JAZF1: variants seen among roughly 807,000 people sequenced by gnomAD.
JAZF1 encodes the protein juxtaposed with another zinc finger protein 1.
JAZF1 carries 8 observed loss-of-function variants against 26.4 expected under a neutral mutation model. The observed-to-expected ratio is 0.30, with a 90% CI of 0.18 to 0.55. The LOEUF is 0.55. Among genes scored for constraint, JAZF1 ranks in the 20% least tolerant of loss-of-function variants. JAZF1 has a pLI of 0.94. For missense variants in JAZF1, 199 were observed against 322.0 expected, an observed-to-expected ratio of 0.62 and a Z score of 2.92; for synonymous variants, 126 against 122.3, an observed-to-expected ratio of 1.03 and a Z score of -0.20.
intron 1 of JAZF1, among the ~76,000 whole-genome samples, chr7:28,059,086 T>C (rs1162974589): frequency 6.6e-6 from 1 of 152,226 alleles, no homozygotes; most frequent in Non-Finnish European, 1.5e-5. Flanking sequence ...AGTAACATAA[T>C]AAGTACATAA....
chr7:28,109,103 C>T (rs1784599506), intron 1 of JAZF1, among the ~76,000 whole-genome samples: 1 of 152,144 alleles, frequency 6.6e-6, no homozygotes, highest in Non-Finnish European at 1.5e-5. Flanking sequence ...ATATAAACTT[C>T]CAGTTATAAG....
At chr7:28,024,690 G>A (rs1012699759) in intron 1 of JAZF1, among the ~76,000 whole-genome samples, 3 of 152,174 alleles carry the variant, frequency 2.0e-5, no homozygotes, top group African/African-American at 7.2e-5. Context: ...TGGAAGATAG[G>A]AAGTGATGAT....
intron 1 of JAZF1, among the ~76,000 whole-genome samples, chr7:28,105,155 A>T (rs1029267822): frequency 2.0e-5 from 3 of 151,902 alleles, no homozygotes; most frequent in Non-Finnish European, 2.9e-5. Flanking sequence ...ATACAGAGTT[A>T]AAAAAAACAA....
chr7:27,944,956 C>T (rs1004368792), intron 2 of JAZF1, among the ~76,000 whole-genome samples: 7 of 152,108 alleles, frequency 4.6e-5, no homozygotes, highest in South Asian at 2.1e-4. Flanking sequence ...TCATCTGCTA[C>T]GGTGTGACTG....
chr7:27,997,414 TTC>T (rs1386519839), intron 1 of JAZF1, among the ~76,000 whole-genome samples: 5 of 152,210 alleles, frequency 3.3e-5, no homozygotes, highest in Admixed American at 3.3e-4. Context: ...AGGAGGATTC[TTC>T]TCTGATTCAG....
chr7:28,011,723 C>T (rs1024160509), intron 1 of JAZF1, among the ~76,000 whole-genome samples: 3 of 152,156 alleles, frequency 2.0e-5, no homozygotes, highest in African/African-American at 4.8e-5. Flanking sequence ...TTAAAAGATA[C>T]TTCAATCCCA....
chr7:28,018,815 G>A (rs1382212030), intron 1 of JAZF1, among the ~76,000 whole-genome samples: 4 of 152,164 alleles, frequency 2.6e-5, no homozygotes, highest in East Asian at 1.9e-4. Flanking sequence ...TATAAACTTC[G>A]CTCCATGATG....
At chr7:27,988,516 C>T (rs1224662707) in intron 2 of JAZF1, among the ~76,000 whole-genome samples, 4 of 151,928 alleles carry the variant, frequency 2.6e-5, no homozygotes, top group Non-Finnish European at 5.9e-5. Flanking sequence ...GCTGGGGATA[C>T]AGGTGTACAC....
At chr7:27,984,334 A>G (rs1163453053) in intron 2 of JAZF1, among the ~76,000 whole-genome samples, 1 of 152,250 alleles carries the variant, frequency 6.6e-6, no homozygotes, top group Non-Finnish European at 1.5e-5. Context: ...CTTTAAACCA[A>G]CAAAGATCAA....
At position 27,880,027 on chromosome 7, in the gene JAZF1, T is replaced by C. The variant is rs1189690494; in HGVS notation, c.385+15193A>G. 3.3e-5 allele frequency among the ~76,000 whole-genome samples: 5 copies of C among 152,226 alleles called. No homozygotes were observed. In the East Asian group the frequency reaches 9.6e-4, roughly 29 times the overall value. ...TTCTAGGAGGCTGTTAGATGCTATTTTTAAGAGGCACAGCTACCACGAAGA... is the reference window on the plus strand; with the variant it reads ...TTCTAGGAGGCTGTTAGATGCTATTCTTAAGAGGCACAGCTACCACGAAGA... On this transcript the variant is annotated intron_variant, in intron 3 of 4. Coordinates refer to ENST00000283928, the MANE Select transcript of JAZF1 (RefSeq NM_175061.4).
At chr7:27,990,467 A>T (rs1317289612) in intron 2 of JAZF1, among the ~76,000 whole-genome samples, 3 of 152,068 alleles carry the variant, frequency 2.0e-5, no homozygotes, top group Non-Finnish European at 2.9e-5. Flanking sequence ...ATTAGTAGGT[A>T]CCTGCTGTCC....
At chr7:27,852,130 C>CTTTTTTTTTTTTTT (rs113021262) in intron 3 of JAZF1, among the ~76,000 whole-genome samples, 1 of 125,256 alleles carries the variant, frequency 8.0e-6, no homozygotes. Context: ...ATAAACAGGA[C>CTTTTTTTTTTTTTT]TTTTTTTTTT....
chr7:27,941,735 C>T (rs1784850756), intron 2 of JAZF1, among the ~76,000 whole-genome samples: 1 of 152,188 alleles, frequency 6.6e-6, no homozygotes. Context: ...CACCACCATA[C>T]AATTAGGGGC....
chr7:27,946,471 C>G (rs1444859267), intron 2 of JAZF1, among the ~76,000 whole-genome samples: 1 of 152,174 alleles, frequency 6.6e-6, no homozygotes. Context: ...CTGAAATTCT[C>G]CTGGAAAAAA....
At chr7:27,961,456 G>A (rs189684582) in intron 2 of JAZF1, among the ~76,000 whole-genome samples, 19 of 152,358 alleles carry the variant, frequency 1.2e-4, no homozygotes, top group African/African-American at 4.6e-4. Flanking sequence ...CACAGGCGAT[G>A]ACTCAGACCC....
Position 27,991,892 on chromosome 7 carries a change from T to A in JAZF1, c.188+17A>T. ...GCAGATATAAGGTTGTTATAATAAA[T>A]TCTGAAAATGGCTTACCTATTTATG... On this transcript the variant is annotated intron_variant, in intron 2 of 4. Transcript: ENST00000283928. 6 of 1,438,752 alleles carry A rather than the reference T, an allele frequency of 4.2e-6. No individual in the cohort carries two copies. Among genetic ancestry groups the A allele is most frequent in the Non-Finnish European group, 5.8e-6 (6 of 1,034,470 alleles). The allele number at this position is 1,438,752 out of a possible 1,614,324, so 89.1% of individuals were successfully genotyped here.
chr7:27,834,049 A>T (rs564092004), intron 4 of JAZF1, among the ~76,000 whole-genome samples: 1 of 152,354 alleles, frequency 6.6e-6, no homozygotes, highest in African/African-American at 2.4e-5. Flanking sequence ...GTTTCCTAAA[A>T]TATTACCTAA....
At chr7:28,003,801 G>T (rs369161818) in intron 1 of JAZF1, among the ~76,000 whole-genome samples, 5 of 152,184 alleles carry the variant, frequency 3.3e-5, no homozygotes, top group South Asian at 4.1e-4. Flanking sequence ...TGCACTGAAA[G>T]AAATTTTCCT....
intron 1 of JAZF1, among the ~76,000 whole-genome samples, chr7:28,005,619 T>C (rs1317898629): frequency 6.6e-6 from 1 of 152,186 alleles, no homozygotes; most frequent in Non-Finnish European, 1.5e-5. Context: ...GAACACAGTG[T>C]TCAGGTTCGT....
Sources: gnomAD v4.1 joint callset for allele counts (sites outside exome capture counted in the v4.1 genomes callset) on GRCh38, gnomAD v4.1.1 for gene constraint, MANE v1.5 for transcripts, NCBI Gene and HGNC (gene_info 2026-07-23, HGNC 2026-07-21) for gene names.